The following BCR variants were observed in gnomAD, a reference collection of about 807,000 sequenced individuals.
BCR encodes the protein breakpoint cluster region protein.
A neutral mutation model predicts 138.6 loss-of-function variants in BCR; 58 were observed. The observed-to-expected ratio is 0.42, with a 90% CI of 0.34 to 0.52. The LOEUF is 0.52. Among genes scored for constraint, BCR ranks in the 20% least tolerant of loss-of-function variants. The probability of loss-of-function intolerance (pLI) is 0.06; values close to 1 mark genes in which losing one functional copy is unlikely to be tolerated. For missense variants in BCR, 1,599 were observed against 1,727.2 expected, an observed-to-expected ratio of 0.93 and a Z score of 1.32; for synonymous variants, 786 against 730.1, an observed-to-expected ratio of 1.08 and a Z score of -1.23.
intron 13 of BCR, 192 bp downstream of exon 13, chr22:23,289,813 C>T (rs569941260): frequency 1.7e-6 from 1 of 600,094 alleles, no homozygotes; most frequent in South Asian, 2.0e-5. Context: ...CAGTTTCTCC[C>T]TGAGTGGCTG....
At chr22:23,281,347 T>G (rs900596256) in intron 8 of BCR, among the ~76,000 whole-genome samples, 1 of 152,164 alleles carries the variant, frequency 6.6e-6, no homozygotes, top group Non-Finnish European at 1.5e-5. Context: ...TGGGATGCAG[T>G]CAGGATTGTG....
intron 1 of BCR, among the ~76,000 whole-genome samples, chr22:23,200,650 C>G (rs2072542496): frequency 6.6e-6 from 1 of 152,156 alleles, no homozygotes; most frequent in Non-Finnish European, 1.5e-5. Flanking sequence ...CTTGACCTCT[C>G]CAGGCTCAGG....
chr22:23,275,445 G>A (rs975441605), intron 8 of BCR, among the ~76,000 whole-genome samples: 7 of 152,242 alleles, frequency 4.6e-5, no homozygotes, highest in African/African-American at 9.6e-5. Context: ...CTCGCCATCC[G>A]TGTTGGCTCC....
At chr22:23,296,502 C>A (rs2146313478) in intron 16 of BCR, among the ~76,000 whole-genome samples, 1 of 152,230 alleles carries the variant, frequency 6.6e-6, no homozygotes, top group Admixed American at 6.5e-5. Flanking sequence ...AAATCTTTAC[C>A]AAGTGCTGGC....
intron 1 of BCR, chr22:23,242,747 GTCCTGTGGCTTCCTT>G (rs1241748251): frequency 2.5e-6 from 1 of 402,274 alleles, no homozygotes; most frequent in East Asian, 7.6e-5. Context: ...ATGTCTTAGT[GTCCTGTGGCTTCCTT>G]AACAGAATGC....
chr22:23,290,623 A>G, intron 14 of BCR: 1 of 558,508 alleles, frequency 1.8e-6, no homozygotes, highest in African/African-American at 1.9e-5. Flanking sequence ...CCTCTCCCCT[A>G]GCCTGTCTCA....
intron 1 of BCR, among the ~76,000 whole-genome samples, chr22:23,192,856 G>A (rs2072432296): frequency 2.0e-5 from 3 of 152,194 alleles, no homozygotes; most frequent in Non-Finnish European, 4.4e-5. Flanking sequence ...ATACACAGAG[G>A]TAGCCGGCTG....
chr22:23,223,718 C>T (rs1382899489), intron 1 of BCR, among the ~76,000 whole-genome samples: 6 of 152,146 alleles, frequency 3.9e-5, no homozygotes, highest in Admixed American at 3.9e-4. Flanking sequence ...GTCTCCCACC[C>T]TCCCAGTGCA....
chr22:23,295,140 G>C lies in BCR; in HGVS notation c.2997G>C (p.Gly999=), dbSNP rs1356964590. The change falls in exon 16 of 23, where the codon GGG becomes GGC. Residue 999 remains glycine (G), a synonymous_variant. Coordinates refer to ENST00000305877, the MANE Select transcript of BCR (RefSeq NM_004327.4). The part of the protein sequence containing the change: ...EDGESTDRLM[G]KGQVQLDPQA... Reference sequence around the variant, plus strand: ...GCGAGAGCACGGACAGACTCATGGGGAAGGGCCAGGTCCAGGTGAGGCAGC... The same window carrying C: ...GCGAGAGCACGGACAGACTCATGGGCAAGGGCCAGGTCCAGGTGAGGCAGC... 1 of 1,613,566 alleles carries C rather than the reference G, an allele frequency of 6.2e-7. No homozygotes were observed. Among genetic ancestry groups the C allele is most frequent in the East Asian group, 2.2e-5 (1 of 44,836 alleles).
At chr22:23,310,926 C>T (rs2074000425) in intron 18 of BCR, among the ~76,000 whole-genome samples, 1 of 150,894 alleles carries the variant, frequency 6.6e-6, no homozygotes, top group Non-Finnish European at 1.5e-5. Flanking sequence ...TGTGTCTAAA[C>T]ACCACGCCCC....
chr22:23,278,974 G>A (rs2073610670), intron 8 of BCR, among the ~76,000 whole-genome samples: 1 of 152,242 alleles, frequency 6.6e-6, no homozygotes, highest in Non-Finnish European at 1.5e-5. Context: ...GCTTGTCTGG[G>A]CCAAGTTCTA....
chr22:23,272,868 C>G (rs904096449), intron 6 of BCR, among the ~76,000 whole-genome samples: 2 of 152,164 alleles, frequency 1.3e-5, no homozygotes, highest in African/African-American at 4.8e-5. Context: ...TCGGGTCTGA[C>G]AGCCGCTCTG....
chr22:23,217,932 G>A (rs547112960), intron 1 of BCR, among the ~76,000 whole-genome samples: 18 of 152,166 alleles, frequency 1.2e-4, no homozygotes, highest in Non-Finnish European at 1.8e-4. Context: ...TGGGAGAGCC[G>A]TGGCCCAGGC....
At chr22:23,234,213 C>T (rs1273674029) in intron 1 of BCR, among the ~76,000 whole-genome samples, 6 of 152,176 alleles carry the variant, frequency 3.9e-5, no homozygotes, top group Non-Finnish European at 7.4e-5. Flanking sequence ...TTCTGCGACC[C>T]TGTGTGTTTG....
chr22:23,183,668 G>C (rs1245361567), intron 1 of BCR, among the ~76,000 whole-genome samples: 2 of 152,236 alleles, frequency 1.3e-5, no homozygotes, highest in African/African-American at 2.4e-5. Flanking sequence ...CCAGCTGTTG[G>C]TCAGGCGAGC....
chr22:23,273,208 CT>C, intron 7 of BCR, 75 bp downstream of exon 7: 43 of 1,503,396 alleles, frequency 2.9e-5, no homozygotes, highest in Non-Finnish European at 2.6e-5. Flanking sequence ...GTTCTGAGAC[CT>C]TTTTTTAGTT....
At chr22:23,278,306 A>T (rs8141706) in intron 8 of BCR, among the ~76,000 whole-genome samples, 35,204 of 152,188 alleles carry the variant, frequency 0.23, 4,435 homozygotes, top group Middle Eastern at 0.3. Flanking sequence ...AAGAACACAG[A>T]CAGCAGTCCA....
rs140694719 is a variant in BCR at position 23,281,440 on chromosome 22, T to C, written c.2116-2537T>C. 3.0e-3 allele frequency among the ~76,000 whole-genome samples: 461 copies of C among 152,350 alleles called. 5 individuals carry two copies. Among genetic ancestry groups the C allele is most frequent in the African/African-American group, 0.01 (434 of 41,584 alleles). On this transcript the variant is annotated intron_variant, in intron 8 of 22. Transcript: ENST00000305877. ...AGCCTGTGCTGATCTCAAGGCCAAC[T>C]GTCCTGTACTCCAGGCCGGGGACCA...
At chr22:23,280,502 G>A (rs1361968292) in intron 8 of BCR, among the ~76,000 whole-genome samples, 1 of 152,222 alleles carries the variant, frequency 6.6e-6, no homozygotes, top group Non-Finnish European at 1.5e-5. Context: ...CAGAGGACAT[G>A]GCGAAGGGTG....
Sources: gnomAD v4.1 joint callset for allele counts (sites outside exome capture counted in the v4.1 genomes callset) on GRCh38, gnomAD v4.1.1 for gene constraint, MANE v1.5 for transcripts, NCBI Gene and HGNC (gene_info 2026-07-23, HGNC 2026-07-21) for gene names.